The following CFAP53 variants were observed in gnomAD, a reference collection of about 807,000 sequenced individuals.
CFAP53 encodes the protein cilia- and flagella-associated protein 53.
In CFAP53, 62 loss-of-function variants were observed where a neutral mutation model predicts 59.7. The ratio of observed to expected loss-of-function variants is 1.04; its 90% CI spans 0.85 to 1.28. The LOEUF is 1.28. Ranked by LOEUF, CFAP53 falls within the 50% of genes most tolerant of loss-of-function variation. The pLI is 0.00. For missense variants in CFAP53, 629 were observed against 615.6 expected (o/e 1.02, Z -0.23); for synonymous variants, 218 against 205.7 (o/e 1.06, Z -0.51).
intron 5 of CFAP53, among the ~76,000 whole-genome samples, chr18:50,248,901 G>C (rs1487795876): frequency 6.6e-6 from 1 of 151,916 alleles, no homozygotes; most frequent in Admixed American, 6.6e-5. Context: ...TCCTTCAACA[G>C]GTAAATGGCT....
intron 7 of CFAP53, among the ~76,000 whole-genome samples, chr18:50,233,328 G>A (rs932347704): frequency 6.6e-6 from 1 of 152,124 alleles, no homozygotes; most frequent in Non-Finnish European, 1.5e-5. Flanking sequence ...TTACTCTTAA[G>A]GCTGACTCTT....
intron 2 of CFAP53, among the ~76,000 whole-genome samples, 179 bp from the exon 3 acceptor site, chr18:50,261,416 A>G (rs1203196288): frequency 6.6e-6 from 1 of 151,988 alleles, no homozygotes; most frequent in African/African-American, 2.4e-5. Flanking sequence ...TTGTTTTGAG[A>G]CAGGATCTCG....
At chr18:50,230,511 T>G (rs1277155957) in intron 7 of CFAP53, among the ~76,000 whole-genome samples, 1 of 152,232 alleles carries the variant, frequency 6.6e-6, no homozygotes, top group Non-Finnish European at 1.5e-5. Context: ...CTGAGTTGTG[T>G]CCATTGTGAT....
At chr18:50,243,487 A>G (rs1034707807) in intron 5 of CFAP53, among the ~76,000 whole-genome samples, 10 of 152,246 alleles carry the variant, frequency 6.6e-5, no homozygotes, top group African/African-American at 1.7e-4. Flanking sequence ...TCAATGATAC[A>G]GCTTTATTTT....
At chr18:50,233,484 A>G (rs562578672) in intron 7 of CFAP53, among the ~76,000 whole-genome samples, 1 of 152,046 alleles carries the variant, frequency 6.6e-6, no homozygotes, top group South Asian at 2.1e-4. Context: ...ACCCAGATGA[A>G]TTTTTTTGTA....
chr18:50,263,360 T>C (rs1197784079), intron 1 of CFAP53, among the ~76,000 whole-genome samples: 2 of 152,174 alleles, frequency 1.3e-5, no homozygotes, highest in Non-Finnish European at 2.9e-5. Flanking sequence ...ACCATCAGGA[T>C]TACCAGAATA....
chr18:50,228,021 G>C (rs71363026), intron 7 of CFAP53, among the ~76,000 whole-genome samples: 1 of 122,146 alleles, frequency 8.2e-6, no homozygotes, highest in African/African-American at 3.1e-5. Context: ...GTGCAGTTGC[G>C]TGATCTCAGC....
chr18:50,264,490 G>C (rs576000477), intron 1 of CFAP53, among the ~76,000 whole-genome samples: 1 of 152,228 alleles, frequency 6.6e-6, no homozygotes, highest in South Asian at 2.1e-4. Context: ...TGGATTCCTA[G>C]GAGACACTCA....
intron 7 of CFAP53, among the ~76,000 whole-genome samples, chr18:50,232,198 C>T (rs1362136743): frequency 6.6e-6 from 1 of 152,212 alleles, no homozygotes; most frequent in Non-Finnish European, 1.5e-5. Flanking sequence ...TGGGACAAAC[C>T]CCATCTATTC....
intron 7 of CFAP53, 44 bp downstream of exon 7, chr18:50,238,559 C>A (rs1297279475): frequency 6.9e-7 from 1 of 1,444,848 alleles, no homozygotes; most frequent in East Asian, 2.3e-5. Flanking sequence ...GCCAAAAATC[C>A]ATTTTTTAGG....
At position 50,255,539 on chromosome 18, in the gene CFAP53, T is replaced by C. The variant is rs532769560; in HGVS notation, c.474-3755A>G. Among the ~76,000 whole-genome samples the C allele has an allele frequency of 6.0e-5, 9 of 150,726 alleles. No individual in the cohort carries two copies. In the South Asian group the frequency reaches 1.5e-3, roughly 25 times the overall value. ...ATCTCTGTACTATCTGTGCACTTTCTGTAAATATATAATTATTTAAAATTA... is the reference window on the plus strand; with the variant it reads ...ATCTCTGTACTATCTGTGCACTTTCCGTAAATATATAATTATTTAAAATTA... On this transcript the variant is annotated intron_variant, in intron 3 of 7. Coordinates refer to ENST00000398545, the MANE Select transcript of CFAP53 (RefSeq NM_145020.5).
chr18:50,259,465 G>A (rs182773376), intron 3 of CFAP53, among the ~76,000 whole-genome samples: 13 of 138,914 alleles, frequency 9.4e-5, no homozygotes, highest in African/African-American at 3.5e-4. Flanking sequence ...ATAGTGGGGG[G>A]TTGGGGGTGG....
At chr18:50,238,022 G>C (rs182065558) in intron 7 of CFAP53, among the ~76,000 whole-genome samples, 1 of 152,182 alleles carries the variant, frequency 6.6e-6, no homozygotes, top group East Asian at 1.9e-4. Context: ...TTTTTTAAGT[G>C]TTTCAAATTT....
intron 3 of CFAP53, among the ~76,000 whole-genome samples, chr18:50,253,674 T>TCAC (rs2033821940): frequency 6.6e-6 from 1 of 152,218 alleles, no homozygotes; most frequent in Non-Finnish European, 1.5e-5. Flanking sequence ...TTGTCCTTGG[T>TCAC]TTACAGATGA....
At position 50,262,199 on chromosome 18, in the gene CFAP53, G is replaced by A; in HGVS notation, c.90C>T (p.Gly30=). Residue 30 remains glycine, a synonymous_variant, in exon 2 of 8, where the codon GGC becomes GGT. Coordinates refer to ENST00000398545, the MANE Select transcript of CFAP53 (RefSeq NM_145020.5). ...VVIVRSKPPK[G]QGAEHHLERI... ...TTTCTAGATGGTGCTCAGCTCCTTG[G>A]CCTTTAGGAGGCTTGGATCTCTGAA... 2 of 1,613,694 alleles carry A rather than the reference G, an allele frequency of 1.2e-6. No individual in the cohort carries two copies. The highest frequency in any genetic ancestry group is 1.7e-6 in the Non-Finnish European group (2 of 1,179,634).
chr18:50,240,525 C>T (rs574301777), intron 6 of CFAP53, among the ~76,000 whole-genome samples: 1 of 152,280 alleles, frequency 6.6e-6, no homozygotes. Flanking sequence ...GAACTTCTTC[C>T]CCTCCCTTGC....
intron 1 of CFAP53, 84 bp downstream of exon 1, chr18:50,266,252 G>C: frequency 2.3e-6 from 3 of 1,315,012 alleles, no homozygotes; most frequent in African/African-American, 2.9e-5. Flanking sequence ...GGCCCCGGGT[G>C]GGGGCCGAAG....
At chr18:50,239,748 C>T (rs1487305898) in intron 6 of CFAP53, among the ~76,000 whole-genome samples, 1 of 151,774 alleles carries the variant, frequency 6.6e-6, no homozygotes, top group African/African-American at 2.4e-5. Flanking sequence ...AAATATAGAC[C>T]ATAAAACAGT....
chr18:50,261,701 A>G (rs913944619), intron 2 of CFAP53, among the ~76,000 whole-genome samples: 1 of 152,182 alleles, frequency 6.6e-6, no homozygotes, highest in African/African-American at 2.4e-5. Context: ...CAACTGCACC[A>G]TATTTTATTT....
Sources: allele counts gnomAD v4.1 joint callset (sites outside exome capture counted in the v4.1 genomes callset), GRCh38; gene constraint gnomAD v4.1.1; transcripts MANE v1.5; gene names NCBI Gene and HGNC (gene_info 2026-07-23, HGNC 2026-07-21).